Variants in HDX observed in about 807,000 individuals in gnomAD.
The protein encoded by HDX is chromosome X open reading frame 43.
HDX carries 19 observed loss-of-function variants against 45.2 expected under a neutral mutation model. The observed-to-expected ratio is 0.42, with a 90% confidence interval of 0.29 to 0.62. HDX has a LOEUF of 0.62. Among genes scored for constraint, HDX ranks in the 20% least tolerant of loss-of-function variants. The pLI is 0.20. For missense variants in HDX, 532 were observed against 493.9 expected (o/e 1.08, Z -0.73); for synonymous variants, 188 against 172.8 (o/e 1.09, Z -0.69).
At chrX:84,322,987 A>C (rs1264455227) in intron 10 of HDX, among the ~76,000 whole-genome samples, 1 of 110,738 alleles carries the variant, frequency 9.0e-6, no homozygotes, top group Non-Finnish European at 1.9e-5. Flanking sequence ...AAGGAACAGA[A>C]AGGGCATGTT....
At position 84,432,092 on chromosome X, in the gene HDX, A is replaced by G. The variant is rs189571510; in HGVS notation, c.1305+8440T>C. Among the ~76,000 whole-genome samples the G allele has an allele frequency of 2.2e-3, 250 of 111,436 alleles. 2 individuals carry two copies. The highest frequency in any genetic ancestry group is 7.9e-3 in the African/African-American group (242 of 30,788). Reference sequence around the variant, plus strand: ...TCTAGCATCATCTATTGAATATGGAATCTTTTTCTCATGGCTTGTTTTTGC... The same window carrying G: ...TCTAGCATCATCTATTGAATATGGAGTCTTTTTCTCATGGCTTGTTTTTGC... On this transcript the variant is annotated intron_variant, in intron 5 of 10. Coordinates refer to ENST00000373177, the MANE Select transcript of HDX (RefSeq NM_001177479.2).
chrX:84,390,093 A>G (rs1386432677), intron 5 of HDX, among the ~76,000 whole-genome samples: 1 of 109,650 alleles, frequency 9.1e-6, no homozygotes, highest in Non-Finnish European at 1.9e-5. Flanking sequence ...CTCTCCAAAG[A>G]TCTTCCCACA....
chrX:84,499,447 T>C (rs1602573251), intron 1 of HDX, among the ~76,000 whole-genome samples: 1 of 112,008 alleles, frequency 8.9e-6, no homozygotes, highest in East Asian at 2.8e-4. Flanking sequence ...CAGTTTTCTC[T>C]ATTGGTCTAT....
intron 4 of HDX, among the ~76,000 whole-genome samples, chrX:84,444,553 AAT>A (rs1181768777): frequency 1.8e-5 from 2 of 110,900 alleles, no homozygotes; most frequent in African/African-American, 6.5e-5. Flanking sequence ...AGATAATGGA[AAT>A]AGTCCTGTTA....
chrX:84,376,256 T>C (rs2038054329), intron 5 of HDX, among the ~76,000 whole-genome samples: 1 of 112,441 alleles, frequency 8.9e-6, no homozygotes, highest in Non-Finnish European at 1.9e-5. Context: ...GCCAAGGGTC[T>C]TGGGTGAGCC....
intron 5 of HDX, among the ~76,000 whole-genome samples, chrX:84,400,352 G>A (rs916065079): frequency 1.1e-4 from 12 of 109,019 alleles, no homozygotes; most frequent in African/African-American, 3.0e-4. Context: ...CAACATCAGC[G>A]AAATCTCAGG....
chrX:84,419,583 A>G (rs965966486), intron 5 of HDX, among the ~76,000 whole-genome samples: 14 of 112,237 alleles, frequency 1.2e-4, no homozygotes, highest in African/African-American at 4.2e-4. Flanking sequence ...GAGACCCAGG[A>G]AACCTGGCCA....
At chrX:84,445,779 A>G (rs2039859525) in intron 4 of HDX, among the ~76,000 whole-genome samples, 2 of 111,894 alleles carry the variant, frequency 1.8e-5, no homozygotes, top group South Asian at 7.3e-4. Context: ...TTTCAATGCT[A>G]CAACTTTTGG....
intron 5 of HDX, among the ~76,000 whole-genome samples, chrX:84,385,456 G>A (rs1602358110): frequency 9.2e-6 from 1 of 108,348 alleles, no homozygotes; most frequent in African/African-American, 3.4e-5. Flanking sequence ...CTCGTGATCC[G>A]CCCGCCTCGG....
chrX:84,472,050 A>G (rs1186132868), intron 3 of HDX, among the ~76,000 whole-genome samples: 1 of 109,996 alleles, frequency 9.1e-6, no homozygotes, highest in African/African-American at 3.3e-5. Context: ...GCACAGTAAA[A>G]TTATAAAATT....
chrX:84,398,882 A>G (rs2038630576), intron 5 of HDX, among the ~76,000 whole-genome samples: 1 of 111,867 alleles, frequency 8.9e-6, no homozygotes, highest in African/African-American at 3.3e-5. Flanking sequence ...AGACCACAGT[A>G]CAACAAAACT....
intron 7 of HDX, among the ~76,000 whole-genome samples, chrX:84,338,345 G>T (rs1047499010): frequency 1.8e-5 from 2 of 109,536 alleles, no homozygotes; most frequent in African/African-American, 6.6e-5. Flanking sequence ...ATTTTGGGGG[G>T]TATATTTGAG....
chrX:84,344,897 G>A (rs2037163923), intron 6 of HDX, among the ~76,000 whole-genome samples: 1 of 110,419 alleles, frequency 9.1e-6, no homozygotes, highest in Admixed American at 9.7e-5. Flanking sequence ...TTTTTGTTTT[G>A]TTTCTCGAGA....
At chrX:84,444,229 AG>A (rs2039824588) in intron 4 of HDX, among the ~76,000 whole-genome samples, 1 of 111,139 alleles carries the variant, frequency 9.0e-6, no homozygotes, top group African/African-American at 3.3e-5. Context: ...TAGAAAGGGG[AG>A]TTAAGGTCCC....
intron 2 of HDX, among the ~76,000 whole-genome samples, chrX:84,484,808 T>G (rs1419227121): frequency 1.8e-5 from 2 of 111,903 alleles, no homozygotes; most frequent in African/African-American, 6.5e-5. Context: ...TTTACTAGTC[T>G]CTTCATTTGG....
chrX:84,387,771 G>T (rs184794802), intron 5 of HDX, among the ~76,000 whole-genome samples: 3 of 111,429 alleles, frequency 2.7e-5, no homozygotes, highest in Non-Finnish European at 3.8e-5. Flanking sequence ...TTTATCCAGC[G>T]TGCAACTCTG....
At chrX:84,385,748 CT>C (rs776936872) in intron 5 of HDX, among the ~76,000 whole-genome samples, 5 of 107,370 alleles carry the variant, frequency 4.7e-5, no homozygotes, top group African/African-American at 1.4e-4. Context: ...TTCTAGTTGC[CT>C]TTTTTTTACA....
chrX:84,500,963 A>G (rs551572073), intron 1 of HDX, among the ~76,000 whole-genome samples: 3 of 111,683 alleles, frequency 2.7e-5, no homozygotes, highest in African/African-American at 9.8e-5. Flanking sequence ...CTGCCTAGGA[A>G]GCTCCTACAG....
At chrX:84,432,869 G>C (rs755276518) in intron 5 of HDX, among the ~76,000 whole-genome samples, 57 of 110,805 alleles carry the variant, frequency 5.1e-4, no homozygotes, top group African/African-American at 1.5e-3. Context: ...TGTTGAATAG[G>C]AGTGGTGGGA....
Sources: allele counts gnomAD v4.1 joint callset (sites outside exome capture counted in the v4.1 genomes callset), GRCh38; gene constraint gnomAD v4.1.1; transcripts MANE v1.5; gene names NCBI Gene and HGNC (gene_info 2026-07-23, HGNC 2026-07-21).